The following TMEM131L variants were observed in gnomAD, a reference collection of about 807,000 sequenced individuals.
The protein encoded by TMEM131L is transmembrane protein 131-like.
A neutral mutation model predicts 192.2 loss-of-function variants in TMEM131L; 54 were observed. That is an observed-to-expected ratio of 0.28 (90% CI 0.23 to 0.35). The LOEUF (loss-of-function observed/expected upper bound fraction) is 0.35, where lower values mean the gene tolerates loss of function less well. Among genes scored for constraint, TMEM131L ranks in the 10% least tolerant of loss-of-function variants. The probability of loss-of-function intolerance (pLI) is 1.00; values close to 1 mark genes in which losing one functional copy is unlikely to be tolerated. For missense variants in TMEM131L, 1,888 were observed against 1,972.9 expected, an observed-to-expected ratio of 0.96 and a Z score of 0.82; for synonymous variants, 701 against 704.9, an observed-to-expected ratio of 0.99 and a Z score of 0.09.
chr4:153,598,733 G>A lies in TMEM131L; in HGVS notation c.2266+1G>A. On this transcript the variant is annotated splice_donor_variant, in intron 21 of 34. Coordinates refer to ENST00000409959, the MANE Select transcript of TMEM131L (RefSeq NM_001131007.2). LOFTEE classifies it high-confidence loss of function. ...TCCACGCTGATGGACTGCCGTAGAC[G>A]TGAGTTCATATGTGTGGCACTCTGA... The A allele has an allele frequency of 1.2e-6, 2 of 1,611,962 alleles. No individual in the cohort carries two copies. The highest frequency in any genetic ancestry group is 1.7e-6 in the Non-Finnish European group (2 of 1,178,680).
intron 16 of TMEM131L, among the ~76,000 whole-genome samples, chr4:153,589,944 T>C (rs1175795799): frequency 6.6e-6 from 1 of 152,242 alleles, no homozygotes; most frequent in Admixed American, 6.5e-5. Flanking sequence ...CAATACTTTA[T>C]TAGGAAATTC....
chr4:153,471,046 G>T (rs1314062259), intron 2 of TMEM131L, among the ~76,000 whole-genome samples: 1 of 151,002 alleles, frequency 6.6e-6, no homozygotes, highest in African/African-American at 2.4e-5. Context: ...GGAGTGCAAT[G>T]ATGTAATTTC....
chr4:153,613,485 A>T (rs1054345869), intron 26 of TMEM131L, among the ~76,000 whole-genome samples: 2 of 152,206 alleles, frequency 1.3e-5, no homozygotes, highest in African/African-American at 4.8e-5. Flanking sequence ...AAGGGTGATA[A>T]CTTAAGAAAA....
At chr4:153,525,314 C>T (rs1735390912) in intron 3 of TMEM131L, among the ~76,000 whole-genome samples, 1 of 152,178 alleles carries the variant, frequency 6.6e-6, no homozygotes, top group African/African-American at 2.4e-5. Flanking sequence ...ACAGGTTTAA[C>T]AGCCTCATAA....
chr4:153,627,674 TGAA>T lies in TMEM131L; in HGVS notation c.4200_4202del (p.Glu1400del), dbSNP rs760064308. On this transcript the variant is annotated inframe_deletion, in exon 31 of 35. Coordinates refer to ENST00000409959, the MANE Select transcript of TMEM131L (RefSeq NM_001131007.2). Reference sequence around the variant, plus strand: ...GCCTTCCTGCCGGGCCCACAGGTGTTGAAGAAGATAAAGGTGAGATGCATTCGT... The same window carrying T: ...GCCTTCCTGCCGGGCCCACAGGTGTTGAAGATAAAGGTGAGATGCATTCGT... 9.3e-6 allele frequency: 15 copies of T among 1,613,504 alleles called. No individual in the cohort carries two copies. In the East Asian group the frequency reaches 1.8e-4, roughly 19 times the overall value.
chr4:153,521,171 A>G (rs1735082998), intron 3 of TMEM131L, among the ~76,000 whole-genome samples: 1 of 152,124 alleles, frequency 6.6e-6, no homozygotes. Context: ...TGACTCTTCT[A>G]GGCTTGTGAG....
intron 27 of TMEM131L, 29 bp from the exon 28 acceptor site, chr4:153,621,654 G>GTT (rs112486435): frequency 7.6e-6 from 12 of 1,573,534 alleles, no homozygotes; most frequent in Admixed American, 1.7e-5. Context: ...ATACAGATGT[G>GTT]TTTTTTTGTG....
At chr4:153,542,795 G>T (rs1327425207) in intron 3 of TMEM131L, among the ~76,000 whole-genome samples, 4 of 152,206 alleles carry the variant, frequency 2.6e-5, no homozygotes, top group Non-Finnish European at 5.9e-5. Flanking sequence ...ACAGAGCTGG[G>T]AGGGAGATGG....
intron 3 of TMEM131L, among the ~76,000 whole-genome samples, chr4:153,525,700 C>A (rs1387832649): frequency 1.3e-5 from 2 of 152,038 alleles, no homozygotes; most frequent in Non-Finnish European, 2.9e-5. Context: ...CTAACTGATT[C>A]TTCTCATTTG....
At position 153,529,465 on chromosome 4, in the gene TMEM131L, AAACCT is replaced by A. The variant is rs148313388; in HGVS notation, c.240-20606_240-20602del. ...CTGAAAGTGAGTATGTAAAGTAACTAAACCTATAGTGGACTCTTTATTTAGAAATA... is the reference window on the plus strand; with the variant it reads ...CTGAAAGTGAGTATGTAAAGTAACTAATAGTGGACTCTTTATTTAGAAATA... On this transcript the variant is annotated intron_variant, in intron 3 of 34. Transcript: ENST00000409959. Among the ~76,000 whole-genome samples, 1,070 of 152,338 alleles carry A rather than the reference AAACCT, an allele frequency of 7.0e-3. 12 individuals are homozygous for A. The highest frequency in any genetic ancestry group is 0.019 in the African/African-American group (791 of 41,566).
intron 29 of TMEM131L, among the ~76,000 whole-genome samples, chr4:153,623,634 A>T (rs1340574310): frequency 6.6e-6 from 1 of 152,214 alleles, no homozygotes; most frequent in Non-Finnish European, 1.5e-5. Context: ...GGATCATTTC[A>T]GTTAGCATAA....
intron 31 of TMEM131L, among the ~76,000 whole-genome samples, chr4:153,628,832 G>T (rs188637807): frequency 2.6e-5 from 4 of 152,256 alleles, no homozygotes; most frequent in Non-Finnish European, 5.9e-5. Context: ...GGAGATATAC[G>T]TGCGGTTTGG....
intron 25 of TMEM131L, among the ~76,000 whole-genome samples, chr4:153,605,771 G>C (rs1402978150): frequency 6.6e-6 from 1 of 152,210 alleles, no homozygotes; most frequent in African/African-American, 2.4e-5. Flanking sequence ...AAGAGGTACA[G>C]AAATATTATG....
At chr4:153,474,301 A>G (rs989232474) in intron 3 of TMEM131L, among the ~76,000 whole-genome samples, 4 of 152,234 alleles carry the variant, frequency 2.6e-5, no homozygotes, top group Admixed American at 2.6e-4. Flanking sequence ...ATCAAGAATT[A>G]GTTTCCTGTA....
intron 3 of TMEM131L, among the ~76,000 whole-genome samples, chr4:153,521,227 G>T (rs188806386): frequency 5.3e-5 from 8 of 152,196 alleles, no homozygotes; most frequent in African/African-American, 1.9e-4. Context: ...CACCATCAGG[G>T]TGGTGGCTGT....
At chr4:153,499,793 A>G (rs925109079) in intron 3 of TMEM131L, among the ~76,000 whole-genome samples, 2 of 152,160 alleles carry the variant, frequency 1.3e-5, no homozygotes, top group Admixed American at 6.5e-5. Context: ...TGGGAAGTTC[A>G]CCTTTGAAAC....
intron 31 of TMEM131L, among the ~76,000 whole-genome samples, chr4:153,628,562 G>A (rs559035451): frequency 1.1e-4 from 16 of 152,126 alleles, no homozygotes; most frequent in African/African-American, 3.1e-4. Context: ...ACTTTATGTC[G>A]TTCCTTGGAT....
At chr4:153,611,804 CT>C (rs903690704) in intron 25 of TMEM131L, among the ~76,000 whole-genome samples, 10 of 152,206 alleles carry the variant, frequency 6.6e-5, no homozygotes, top group Admixed American at 4.6e-4. Context: ...ATGTGCCAGA[CT>C]TTCATTCCTT....
At position 153,604,305 on chromosome 4, in the gene TMEM131L, C is replaced by T. The variant is rs768673230; in HGVS notation, c.3293C>T (p.Ala1098Val). The T allele has an allele frequency of 3.2e-5, 52 of 1,613,992 alleles. No individual in the cohort carries two copies. The highest frequency in any genetic ancestry group is 4.3e-5 in the Non-Finnish European group (51 of 1,180,012). ...ETDIKTSENT[A>V]EFKERELCPL... is the part of the protein sequence containing the mutation. ...GACATTAAAACTTCAGAGAACACAG[C>T]CGAGTTCAAGGAACGGGAGCTCTGT... The change falls in exon 25 of 35, where the codon GCC becomes GTC. Residue 1098 changes from alanine to valine, a missense_variant. Transcript: ENST00000409959.
Sources: gnomAD v4.1 joint callset for allele counts (sites outside exome capture counted in the v4.1 genomes callset) on GRCh38, gnomAD v4.1.1 for gene constraint, MANE v1.5 for transcripts, NCBI Gene and HGNC (gene_info 2026-07-23, HGNC 2026-07-21) for gene names.